SGPL1: variants seen among roughly 807,000 people sequenced by gnomAD.
SGPL1 encodes the protein sphingosine-1-phosphate lyase 1.
Under a neutral mutation model 68.9 loss-of-function variants are expected in SGPL1, and 37 were observed. The ratio of observed to expected loss-of-function variants is 0.54; its 90% CI spans 0.41 to 0.71. The LOEUF (loss-of-function observed/expected upper bound fraction) is 0.71. Ranked by LOEUF, SGPL1 falls within the 30% of genes least tolerant of loss-of-function variation. The probability of loss-of-function intolerance (pLI) is 0.00; values close to 1 mark genes in which losing one functional copy is unlikely to be tolerated. For synonymous variants in SGPL1, 236 were observed against 248.5 expected, an observed-to-expected ratio of 0.95 and a Z score of 0.47; for missense variants, 551 against 704.6, an observed-to-expected ratio of 0.78 and a Z score of 2.47.
At chr10:70,857,729 T>TGAGGAA in intron 6 of SGPL1, 39 bp downstream of exon 6, 2 of 1,422,602 alleles carry the variant, frequency 1.4e-6, no homozygotes, top group Non-Finnish European at 1.9e-6. Context: ...GTGAGGTCTG[T>TGAGGAA]GCCAGTTTAC....
At chr10:70,861,053 C>T (rs1215306703) in intron 7 of SGPL1, among the ~76,000 whole-genome samples, 3 of 135,500 alleles carry the variant, frequency 2.2e-5, no homozygotes, top group East Asian at 2.1e-4. Context: ...TTTTTTTTGA[C>T]GAAATATTCC....
intron 2 of SGPL1, among the ~76,000 whole-genome samples, chr10:70,844,187 T>C (rs1013873768): frequency 2.0e-5 from 3 of 152,162 alleles, no homozygotes; most frequent in South Asian, 2.1e-4. Context: ...CATATAGAAA[T>C]TTTAGGGCTG....
intron 2 of SGPL1, among the ~76,000 whole-genome samples, chr10:70,822,124 T>G (rs1047229930): frequency 6.6e-6 from 1 of 152,228 alleles, no homozygotes. Context: ...ACTGAAAGAT[T>G]GACCTTAGGA....
At chr10:70,861,555 T>C (rs1406140662) in intron 7 of SGPL1, among the ~76,000 whole-genome samples, 2 of 152,176 alleles carry the variant, frequency 1.3e-5, no homozygotes, top group Non-Finnish European at 2.9e-5. Context: ...CTTGAGGAGC[T>C]CTTCAGCCCA....
At chr10:70,832,236 G>C (rs529820208) in intron 2 of SGPL1, among the ~76,000 whole-genome samples, 9 of 152,244 alleles carry the variant, frequency 5.9e-5, no homozygotes, top group African/African-American at 1.9e-4. Flanking sequence ...CTTTCCAAAG[G>C]GTGTTTATAT....
Position 70,879,292 on chromosome 10 carries a change from G to A in SGPL1, c.*1957G>A, listed in dbSNP as rs2131958296. On this transcript the variant is annotated 3_prime_UTR_variant, in exon 15 of 15. Coordinates refer to ENST00000373202, the MANE Select transcript of SGPL1 (RefSeq NM_003901.4). ...GACTTTTCCTCAGGCTCCTTGGCAT[G>A]TTAGTCTGAATTGTTCTTGAGCACT... is the stretch of plus-strand genomic sequence containing the variant. 6.5e-6 allele frequency: 1 copy of A among 152,852 alleles called. No individual in the cohort carries two copies. The highest frequency in any genetic ancestry group is 2.1e-4 in the South Asian group (1 of 4,830). The allele number at this position is 152,852 out of a possible 1,614,324, so 9.5% of individuals were successfully genotyped here. A position where few individuals can be genotyped will look rare whatever the true frequency, so the allele number is the denominator to read the frequency against.
At chr10:70,868,286 C>T in intron 7 of SGPL1, 59 bp from the exon 8 acceptor site, 6 of 1,167,518 alleles carry the variant, frequency 5.1e-6, no homozygotes, top group Non-Finnish European at 7.5e-6. Context: ...AAGATCAGGG[C>T]ATGAAGAGCC....
intron 7 of SGPL1, among the ~76,000 whole-genome samples, chr10:70,862,022 G>A (rs1387293587): frequency 6.6e-6 from 1 of 152,248 alleles, no homozygotes; most frequent in Non-Finnish European, 1.5e-5. Flanking sequence ...GGGCTGAGGA[G>A]TGCAGGCGCA....
At chr10:70,850,914 A>G (rs932029141) in intron 3 of SGPL1, among the ~76,000 whole-genome samples, 3 of 152,194 alleles carry the variant, frequency 2.0e-5, no homozygotes, top group African/African-American at 7.2e-5. Context: ...GGGAAGCTTC[A>G]CTGCTTTACT....
chr10:70,871,279 A>C, intron 10 of SGPL1, 133 bp downstream of exon 10: 1 of 589,958 alleles, frequency 1.7e-6, no homozygotes, highest in African/African-American at 1.9e-5. Context: ...AGCTCTCATC[A>C]GCCCTAGGGG....
At chr10:70,834,669 C>G (rs191105372) in intron 2 of SGPL1, among the ~76,000 whole-genome samples, 1 of 152,150 alleles carries the variant, frequency 6.6e-6, no homozygotes, top group African/African-American at 2.4e-5. Flanking sequence ...TGTAGGATGC[C>G]GTTAGGTCAT....
intron 2 of SGPL1, among the ~76,000 whole-genome samples, chr10:70,837,764 C>T (rs1043634637): frequency 6.6e-6 from 1 of 152,084 alleles, no homozygotes; most frequent in Non-Finnish European, 1.5e-5. Flanking sequence ...CCATTTTCTG[C>T]TGTGATAGCA....
chr10:70,824,103 G>T (rs1399638468), intron 2 of SGPL1, among the ~76,000 whole-genome samples: 1 of 152,188 alleles, frequency 6.6e-6, no homozygotes, highest in Non-Finnish European at 1.5e-5. Flanking sequence ...CCTATCAAAA[G>T]ACCATAATCA....
At chr10:70,870,070 G>A in intron 9 of SGPL1, 173 bp downstream of exon 9, 1 of 517,908 alleles carries the variant, frequency 1.9e-6, no homozygotes, top group East Asian at 3.3e-5. Context: ...CTTTTCATAG[G>A]TTCATGAATT....
intron 7 of SGPL1, among the ~76,000 whole-genome samples, chr10:70,862,481 G>C (rs1846087438): frequency 6.6e-6 from 1 of 152,168 alleles, no homozygotes; most frequent in Admixed American, 6.5e-5. Flanking sequence ...CAGGCTGCCA[G>C]AGCAAGCAGT....
chr10:70,867,123 TAAG>T (rs1846205704), intron 7 of SGPL1, among the ~76,000 whole-genome samples: 1 of 152,240 alleles, frequency 6.6e-6, no homozygotes, highest in Non-Finnish European at 1.5e-5. Flanking sequence ...ATGGTAAGTC[TAAG>T]AAGTTGTCCA....
chr10:70,834,877 A>G (rs1056477141), intron 2 of SGPL1, among the ~76,000 whole-genome samples: 4 of 152,192 alleles, frequency 2.6e-5, no homozygotes, highest in South Asian at 2.1e-4. Context: ...TGGCTCCGCT[A>G]TTTCCGAGCT....
chr10:70,851,296 G>T (rs989144080), intron 4 of SGPL1, 86 bp downstream of exon 4: 1 of 1,167,406 alleles, frequency 8.6e-7, no homozygotes, highest in Non-Finnish European at 1.3e-6. Flanking sequence ...TATTCTCAAA[G>T]TGGAGGGGTG....
intron 2 of SGPL1, among the ~76,000 whole-genome samples, chr10:70,841,429 C>G (rs1845711501): frequency 6.6e-6 from 1 of 152,176 alleles, no homozygotes; most frequent in South Asian, 2.1e-4. Context: ...AAGAGCAAGG[C>G]AACAGCAGAT....
Sources: allele counts gnomAD v4.1 joint callset (sites outside exome capture counted in the v4.1 genomes callset), GRCh38; gene constraint gnomAD v4.1.1; transcripts MANE v1.5; gene names NCBI Gene and HGNC (gene_info 2026-07-23, HGNC 2026-07-21).